POLA1: variants seen among roughly 807,000 people sequenced by gnomAD.
POLA1 encodes the protein DNA polymerase alpha 1, catalytic subunit, also known as DNA polymerase alpha catalytic subunit.
In POLA1, 15 loss-of-function variants were observed where a neutral mutation model predicts 124.0. The ratio of observed to expected loss-of-function variants is 0.12; its 90% CI spans 0.08 to 0.19. The LOEUF is 0.19. POLA1 is among the 10% of genes least tolerant of loss of function. The pLI is 1.00. For missense variants in POLA1, 886 were observed against 1,103.4 expected (o/e 0.80, Z 2.79); for synonymous variants, 408 against 389.4 (o/e 1.05, Z -0.56).
chrX:24,879,733 TAA>T (rs1442788447), intron 34 of POLA1, among the ~76,000 whole-genome samples: 1 of 112,043 alleles, frequency 8.9e-6, no homozygotes, highest in Non-Finnish European at 1.9e-5. Flanking sequence ...TTGAATATAC[TAA>T]GAGAGGTTTT....
intron 34 of POLA1, among the ~76,000 whole-genome samples, chrX:24,852,346 T>C (rs1226727112): frequency 9.1e-6 from 1 of 110,245 alleles, no homozygotes; most frequent in African/African-American, 3.3e-5. Context: ...GTTTCGCTCT[T>C]GTTGCCCAGG....
chrX:24,935,477 A>G (rs780294909), intron 36 of POLA1, among the ~76,000 whole-genome samples: 4 of 112,608 alleles, frequency 3.6e-5, no homozygotes, highest in South Asian at 7.4e-4. Context: ...GCCTAGATGG[A>G]CTATTCTTCA....
At chrX:24,980,437 G>A (rs998517900) in intron 36 of POLA1, among the ~76,000 whole-genome samples, 2 of 112,210 alleles carry the variant, frequency 1.8e-5, no homozygotes, top group Non-Finnish European at 3.8e-5. Flanking sequence ...GGAGAAGGCT[G>A]TGTTCTCTTG....
At chrX:24,984,654 CTT>C (rs72426448) in intron 36 of POLA1, among the ~76,000 whole-genome samples, 182 of 78,705 alleles carry the variant, frequency 2.3e-3, no homozygotes, top group Middle Eastern at 8.2e-3. Context: ...ACCTTTTGCA[CTT>C]TTTTTTTTTT....
rs1161844556 is a variant in POLA1 at position 24,801,916 on chromosome X, GGTGGGTGGGT to G, written c.2965-7978_2965-7969del. Among the ~76,000 whole-genome samples the G allele has an allele frequency of 1.1e-3, 64 of 59,913 alleles. 1 individual carries two copies. Among genetic ancestry groups the G allele is most frequent in the African/African-American group, 5.7e-3 (62 of 10,939 alleles). The allele number at this position is 59,913 out of a possible 115,157, so 52.0% of individuals were successfully genotyped here. A position where few individuals can be genotyped will look rare whatever the true frequency, so the allele number is the denominator to read the frequency against. On this transcript the variant is annotated intron_variant, in intron 26 of 36. Coordinates refer to ENST00000379068, the MANE Select transcript of POLA1 (RefSeq NM_001330360.2). ...CCAGAGAAACAGAGCCACTAGGAGA[GGTGGGTGGGT>G]GTGTGTGTGTGTGTGTGTGTGTGTG...
At chrX:24,828,420 G>A (rs2046208905) in intron 32 of POLA1, among the ~76,000 whole-genome samples, 1 of 111,841 alleles carries the variant, frequency 8.9e-6, no homozygotes, top group African/African-American at 3.3e-5. Flanking sequence ...CTTAACTACT[G>A]TGCTAAACTT....
chrX:24,796,942 TC>T (rs1228165468), intron 26 of POLA1, among the ~76,000 whole-genome samples: 1 of 111,579 alleles, frequency 9.0e-6, no homozygotes, highest in Non-Finnish European at 1.9e-5. Flanking sequence ...TGGGTATCAT[TC>T]TTGACTCCTA....
At chrX:24,934,144 G>C (rs1418794963) in intron 36 of POLA1, among the ~76,000 whole-genome samples, 2 of 112,140 alleles carry the variant, frequency 1.8e-5, no homozygotes, top group East Asian at 5.6e-4. Flanking sequence ...CTGAGTAGGG[G>C]TAAGTGAACA....
intron 26 of POLA1, among the ~76,000 whole-genome samples, chrX:24,808,226 A>T (rs947438271): frequency 1.8e-5 from 2 of 111,831 alleles, no homozygotes; most frequent in African/African-American, 6.5e-5. Flanking sequence ...CACCCTAGGC[A>T]TGGCCCTTCA....
At chrX:24,738,613 G>A (rs1376197486) in intron 19 of POLA1, among the ~76,000 whole-genome samples, 1 of 111,597 alleles carries the variant, frequency 9.0e-6, no homozygotes, top group African/African-American at 3.3e-5. Context: ...AAGTAGTAAG[G>A]GGAAGAACTG....
At chrX:24,738,975 C>A (rs865784014) in intron 19 of POLA1, among the ~76,000 whole-genome samples, 3 of 110,670 alleles carry the variant, frequency 2.7e-5, no homozygotes, top group African/African-American at 9.9e-5. Flanking sequence ...CTTTTTACCC[C>A]CTTCAAGATT....
intron 35 of POLA1, among the ~76,000 whole-genome samples, chrX:24,900,506 T>C (rs2047263674): frequency 8.9e-6 from 1 of 112,186 alleles, no homozygotes; most frequent in Admixed American, 9.4e-5. Context: ...ATTGGTTCAG[T>C]ATAATCACAA....
chrX:24,732,599 G>T (rs200026818), intron 16 of POLA1, 145 bp downstream of exon 16: 2,985 of 203,208 alleles, frequency 0.015, 6 homozygotes, highest in African/African-American at 0.026. Context: ...GTTTTTTTTT[G>T]TTTTTTTTTT....
intron 13 of POLA1, among the ~76,000 whole-genome samples, chrX:24,726,312 A>G (rs898636639): frequency 1.4e-4 from 16 of 112,347 alleles, no homozygotes; most frequent in African/African-American, 4.9e-4. Context: ...CTGTTTGTCA[A>G]GTGGAATGAA....
intron 34 of POLA1, among the ~76,000 whole-genome samples, chrX:24,863,631 C>T (rs1311298023): frequency 9.0e-6 from 1 of 111,672 alleles, no homozygotes; most frequent in African/African-American, 3.3e-5. Flanking sequence ...GTAGAACTAA[C>T]ATGTCGTCTA....
At chrX:24,798,131 T>C (rs1376510425) in intron 26 of POLA1, among the ~76,000 whole-genome samples, 2 of 111,755 alleles carry the variant, frequency 1.8e-5, no homozygotes, top group East Asian at 5.5e-4. Context: ...ATCCTTTATA[T>C]TGCTTCTTCA....
In POLA1 at chrX:24,724,492, GTTTA is replaced by G. The variant is rs749532077; in HGVS notation, c.1317+45_1317+48del. 3.2e-5 allele frequency: 20 copies of G among 633,854 alleles called. No individual in the cohort carries two copies. The East Asian group carries it at 6.9e-4, about 22-fold the overall frequency. The allele number at this position is 633,854 out of a possible 1,213,427, so 52.2% of individuals were successfully genotyped here. A position where few individuals can be genotyped will look rare whatever the true frequency, so the allele number is the denominator to read the frequency against. On this transcript the variant is annotated intron_variant, in intron 12 of 36. Coordinates refer to ENST00000379068, the MANE Select transcript of POLA1 (RefSeq NM_001330360.2). ...TGATTTTTTTCCAGCTCTGTTTGTT[GTTTA>G]TTTTCTGATTTAGCAAATAGTTATT... is the stretch of plus-strand genomic sequence containing the variant.
At chrX:24,871,308 G>T (rs189835480) in intron 34 of POLA1, among the ~76,000 whole-genome samples, 4 of 112,003 alleles carry the variant, frequency 3.6e-5, no homozygotes, top group African/African-American at 1.3e-4. Context: ...CTGATTCTTG[G>T]TCTGGGGTAA....
intron 26 of POLA1, 36 bp from the exon 27 acceptor site, chrX:24,809,862 G>A (rs772766384): frequency 2.3e-6 from 2 of 882,247 alleles, no homozygotes; most frequent in Non-Finnish European, 1.6e-6. Context: ...CTTTATAATT[G>A]TGTAACTTAT....
Sources: gnomAD v4.1 joint callset for allele counts (sites outside exome capture counted in the v4.1 genomes callset) on GRCh38, gnomAD v4.1.1 for gene constraint, MANE v1.5 for transcripts, NCBI Gene and HGNC (gene_info 2026-07-23, HGNC 2026-07-21) for gene names.